Variants in CDH18 observed in about 807,000 individuals in gnomAD.
The protein encoded by CDH18 is cadherin-18.
A neutral mutation model predicts 67.9 loss-of-function variants in CDH18; 31 were observed. The ratio of observed to expected loss-of-function variants is 0.46; its 90% CI spans 0.34 to 0.62. CDH18 has a LOEUF of 0.62. CDH18 is among the 20% of genes least tolerant of loss of function. The pLI, the probability that CDH18 is intolerant of heterozygous loss-of-function variation, is 0.01. For missense variants in CDH18, 890 were observed against 975.5 expected, an observed-to-expected ratio of 0.91 and a Z score of 1.17; for synonymous variants, 362 against 347.2, an observed-to-expected ratio of 1.04 and a Z score of -0.48.
chr5:20,147,465 C>T (rs909126976), intron 2 of CDH18, among the ~76,000 whole-genome samples: 1 of 151,960 alleles, frequency 6.6e-6, no homozygotes, highest in African/African-American at 2.4e-5. Flanking sequence ...CATAAAATAA[C>T]AGATAATTTA....
intron 1 of CDH18, among the ~76,000 whole-genome samples, chr5:20,530,819 A>G (rs1756355170): frequency 1.3e-5 from 2 of 152,110 alleles, no homozygotes; most frequent in African/African-American, 4.8e-5. Context: ...TTCAGGACAC[A>G]GGCATGGGCA....
intron 1 of CDH18, among the ~76,000 whole-genome samples, chr5:20,488,563 A>G (rs1156779087): frequency 6.6e-6 from 1 of 151,968 alleles, no homozygotes; most frequent in East Asian, 1.9e-4. Flanking sequence ...AACAATGTCT[A>G]TGTTGGATTT....
intron 2 of CDH18, among the ~76,000 whole-genome samples, chr5:20,031,336 A>G (rs1236577450): frequency 6.6e-6 from 1 of 152,240 alleles, no homozygotes; most frequent in East Asian, 1.9e-4. Flanking sequence ...ATTTTTGTGA[A>G]TTAATGAATT....
intron 5 of CDH18, among the ~76,000 whole-genome samples, chr5:19,674,139 G>T (rs1455360797): frequency 3.3e-5 from 5 of 151,904 alleles, no homozygotes; most frequent in African/African-American, 9.7e-5. Flanking sequence ...TAGTGAATTT[G>T]GTGAGGAATA....
chr5:19,975,656 T>C (rs982455798), intron 2 of CDH18, among the ~76,000 whole-genome samples: 2 of 152,180 alleles, frequency 1.3e-5, no homozygotes, highest in East Asian at 1.9e-4. Context: ...TAAACACATA[T>C]TAGCTAAGAA....
chr5:19,762,786 G>T (rs12657194), intron 3 of CDH18, among the ~76,000 whole-genome samples: 1 of 152,072 alleles, frequency 6.6e-6, no homozygotes, highest in Non-Finnish European at 1.5e-5. Flanking sequence ...CTACCATAAA[G>T]ACACATGCAC....
chr5:20,052,156 T>C (rs537936301), intron 2 of CDH18, among the ~76,000 whole-genome samples: 1 of 152,246 alleles, frequency 6.6e-6, no homozygotes, highest in South Asian at 2.1e-4. Context: ...CTGTAAATGG[T>C]CTCACATTTG....
intron 2 of CDH18, among the ~76,000 whole-genome samples, chr5:19,859,074 C>T (rs1784597065): frequency 2.0e-5 from 3 of 152,078 alleles, no homozygotes; most frequent in Admixed American, 1.3e-4. Flanking sequence ...AAAAAACCAT[C>T]ACCAAAATCA....
chr5:20,458,545 G>A (rs1250347502), intron 1 of CDH18, among the ~76,000 whole-genome samples: 1 of 152,144 alleles, frequency 6.6e-6, no homozygotes, highest in African/African-American at 2.4e-5. Context: ...TTCAACCCAG[G>A]AGACCGAGTT....
intron 2 of CDH18, among the ~76,000 whole-genome samples, chr5:19,877,280 T>G (rs1013129073): frequency 2.3e-4 from 35 of 152,170 alleles, no homozygotes; most frequent in African/African-American, 7.5e-4. Context: ...TATTCAACAT[T>G]GTGAAGGCAA....
At chr5:20,401,810 T>C (rs974870556) in intron 1 of CDH18, among the ~76,000 whole-genome samples, 1 of 152,308 alleles carries the variant, frequency 6.6e-6, no homozygotes, top group East Asian at 1.9e-4. Flanking sequence ...GGTTTTGATG[T>C]TTCCAGTAAT....
chr5:20,046,349 T>C lies in CDH18; in HGVS notation c.-517-54335A>G, dbSNP rs540303959. 9.2e-5 allele frequency among the ~76,000 whole-genome samples: 14 copies of C among 152,004 alleles called. No homozygotes were observed. In the East Asian group the frequency reaches 2.1e-3, roughly 23 times the overall value. ...TGAGGAACAGTTGGGGAGAAGTCCA[T>C]TGGGCATGGCTAGAAAAAAGCAATG... On this transcript the variant is annotated intron_variant, in intron 2 of 14. Coordinates refer to the CDH18 transcript ENST00000507958.
intron 2 of CDH18, among the ~76,000 whole-genome samples, chr5:19,948,171 TA>T (rs1315944705): frequency 6.6e-6 from 1 of 152,182 alleles, no homozygotes; most frequent in East Asian, 1.9e-4. Context: ...GGTACAAATG[TA>T]AAACAAGACA....
At chr5:19,651,794 T>C (rs1273057159) in intron 5 of CDH18, among the ~76,000 whole-genome samples, 1 of 152,126 alleles carries the variant, frequency 6.6e-6, no homozygotes, top group Non-Finnish European at 1.5e-5. Context: ...TAATCATTTT[T>C]TGAAAACTAG....
chr5:19,847,299 TC>T (rs1783099822), intron 2 of CDH18, among the ~76,000 whole-genome samples: 1 of 152,082 alleles, frequency 6.6e-6, no homozygotes, highest in Non-Finnish European at 1.5e-5. Context: ...CATATTTTTT[TC>T]CTTCAGTGTT....
At chr5:19,611,758 A>G (rs1369872753) in intron 6 of CDH18, among the ~76,000 whole-genome samples, 1 of 152,262 alleles carries the variant, frequency 6.6e-6, no homozygotes, top group South Asian at 2.1e-4. Flanking sequence ...TTAAAAACTC[A>G]AATATATTAT....
intron 5 of CDH18, among the ~76,000 whole-genome samples, chr5:19,623,830 A>G (rs1751078138): frequency 6.8e-6 from 1 of 147,532 alleles, no homozygotes; most frequent in African/African-American, 2.4e-5. Flanking sequence ...TAATGATATA[A>G]TTGACAACAT....
intron 5 of CDH18, among the ~76,000 whole-genome samples, chr5:19,654,774 G>C (rs1318674004): frequency 6.6e-6 from 1 of 152,182 alleles, no homozygotes; most frequent in African/African-American, 2.4e-5. Context: ...TATTCCCGGA[G>C]GGAGGTAGCT....
chr5:20,102,468 CAT>C (rs1580247119), intron 2 of CDH18, among the ~76,000 whole-genome samples: 2 of 152,112 alleles, frequency 1.3e-5, no homozygotes, highest in East Asian at 1.9e-4. Flanking sequence ...GGAAATGTAA[CAT>C]GTGCTATAGG....
Sources: gnomAD v4.1 joint callset for allele counts (sites outside exome capture counted in the v4.1 genomes callset) on GRCh38, gnomAD v4.1.1 for gene constraint, MANE v1.5 for transcripts, NCBI Gene and HGNC (gene_info 2026-07-23, HGNC 2026-07-21) for gene names.